USP9X: variants seen among roughly 807,000 people sequenced by gnomAD.
USP9X encodes ubiquitin carboxyl-terminal hydrolase 9X.
In USP9X, 7 loss-of-function variants were observed where a neutral mutation model predicts 190.3. The ratio of observed to expected loss-of-function variants is 0.04; its 90% CI spans 0.02 to 0.07. USP9X has a LOEUF of 0.07. USP9X is among the 10% of genes least tolerant of loss of function. USP9X has a pLI of 1.00. For missense variants in USP9X, 1,010 were observed against 1,916.9 expected, an observed-to-expected ratio of 0.53 and a Z score of 8.83; for synonymous variants, 645 against 659.5, an observed-to-expected ratio of 0.98 and a Z score of 0.34.
At chrX:41,182,974 T>C (rs1263536072) in intron 21 of USP9X, among the ~76,000 whole-genome samples, 1 of 108,229 alleles carries the variant, frequency 9.2e-6, no homozygotes, top group Non-Finnish European at 1.9e-5. Flanking sequence ...GTTTCGCTCT[T>C]GTTGCCCAGG....
At chrX:41,134,598 G>A (rs2062355240) in intron 4 of USP9X, 127 bp from the exon 5 acceptor site, 3 of 484,571 alleles carry the variant, frequency 6.2e-6, no homozygotes, top group Non-Finnish European at 1.0e-5. Flanking sequence ...CTACTTTTAT[G>A]CAATTAAATA....
rs189893461 is a variant in USP9X, at chrX:41,094,337, C to T, written c.-159+8228C>T. ...GATTACAGGTGGGTGCCACTATACC[C>T]GGCTAATTTTGTATTTTTAGTAGAG... On this transcript the variant is annotated intron_variant, in intron 1 of 44. Coordinates refer to ENST00000378308, the MANE Select transcript of USP9X (RefSeq NM_001039591.3). Among the ~76,000 whole-genome samples the T allele has an allele frequency of 6.4e-5, 7 of 109,217 alleles. No homozygotes were observed. In the East Asian group the frequency reaches 1.7e-3, roughly 27 times the overall value. 94.8% of individuals were successfully genotyped at this position (109,217 alleles called of 115,157 possible). A position where few individuals can be genotyped will look rare whatever the true frequency, so the allele number is the denominator to read the frequency against.
chrX:41,176,774 C>A lies in USP9X; in HGVS notation c.3148+4816C>A, dbSNP rs376499868. Among the ~76,000 whole-genome samples the A allele has an allele frequency of 8.9e-5, 10 of 112,261 alleles. No homozygotes were observed. The East Asian group carries it at 2.8e-3, about 31-fold the overall frequency. On this transcript the variant is annotated intron_variant, in intron 21 of 44. Coordinates refer to ENST00000378308, the MANE Select transcript of USP9X (RefSeq NM_001039591.3). Reference sequence around the variant, plus strand: ...AAGAAATCACACATGAACAAACTCACCTTCTGCATTATACTGACATCATTA... The same window carrying A: ...AAGAAATCACACATGAACAAACTCAACTTCTGCATTATACTGACATCATTA...
At chrX:41,169,973 C>CT (rs1322359076) in intron 18 of USP9X, 22 bp from the exon 19 acceptor site, 1 of 1,209,026 alleles carries the variant, frequency 8.3e-7, no homozygotes, top group African/African-American at 1.7e-5. Context: ...ATGATGATGT[C>CT]TGTCTTTCTT....
intron 1 of USP9X, among the ~76,000 whole-genome samples, chrX:41,086,969 T>G (rs1048358068): frequency 8.9e-6 from 1 of 111,741 alleles, no homozygotes; most frequent in African/African-American, 3.3e-5. Context: ...AGATGGCTTC[T>G]TAAATTATTT....
chrX:41,144,282 C>T (rs758839259), intron 10 of USP9X, among the ~76,000 whole-genome samples: 3 of 100,961 alleles, frequency 3.0e-5, no homozygotes, highest in South Asian at 4.8e-4. Flanking sequence ...TACAGTGGCT[C>T]GATACCGGCT....
intron 2 of USP9X, among the ~76,000 whole-genome samples, chrX:41,127,707 G>A (rs1213703702): frequency 8.9e-6 from 1 of 112,128 alleles, no homozygotes; most frequent in Non-Finnish European, 1.9e-5. Flanking sequence ...TTGACCATAT[G>A]AGTTCATGTA....
chrX:41,156,524 C>CTGAGAATAT (rs997353117), intron 14 of USP9X, among the ~76,000 whole-genome samples: 44 of 112,131 alleles, frequency 3.9e-4, no homozygotes, highest in African/African-American at 1.3e-3. Flanking sequence ...GCATGGCAGG[C>CTGAGAATAT]TGAGAATATT....
intron 14 of USP9X, among the ~76,000 whole-genome samples, chrX:41,161,495 A>G (rs2147102521): frequency 9.5e-6 from 1 of 105,746 alleles, no homozygotes; most frequent in East Asian, 2.9e-4. Flanking sequence ...GCCTGCCACC[A>G]TGCCTAATTT....
At chrX:41,156,536 G>A in intron 14 of USP9X, among the ~76,000 whole-genome samples, 1 of 112,010 alleles carries the variant, frequency 8.9e-6, no homozygotes, top group Non-Finnish European at 1.9e-5. Context: ...GAGAATATTG[G>A]GCTCTGATTA....
At chrX:41,192,735 A>G (rs936020455) in intron 26 of USP9X, among the ~76,000 whole-genome samples, 9 of 111,734 alleles carry the variant, frequency 8.1e-5, no homozygotes, top group Non-Finnish European at 1.7e-4. Flanking sequence ...ATTGTCTACA[A>G]GACACTACCC....
chrX:41,184,138 T>G lies in USP9X; in HGVS notation c.3279+10T>G, dbSNP rs2062852163. 16 of 1,183,564 alleles carry G rather than the reference T, an allele frequency of 1.4e-5. No individual in the cohort carries two copies. The highest frequency in any genetic ancestry group is 1.8e-5 in the Non-Finnish European group (16 of 884,688). ...GCTATATCTAACAGAGGTTAGTTTT[T>G]GGGGTTTTTTGTTGTTGTTGTTTTC... On this transcript the variant is annotated intron_variant, in intron 22 of 44. Coordinates refer to ENST00000378308, the MANE Select transcript of USP9X (RefSeq NM_001039591.3).
At chrX:41,105,216 T>G (rs185435299) in intron 1 of USP9X, among the ~76,000 whole-genome samples, 17 of 111,367 alleles carry the variant, frequency 1.5e-4, no homozygotes, top group Admixed American at 1.1e-3. Flanking sequence ...CCAAGAAGAA[T>G]AATGTGGGGC....
chrX:41,125,454 GT>G (rs1194747237), intron 2 of USP9X, among the ~76,000 whole-genome samples: 3 of 107,630 alleles, frequency 2.8e-5, no homozygotes, highest in Non-Finnish European at 5.8e-5. Context: ...CAAGGAATTG[GT>G]TTATTTCATC....
intron 33 of USP9X, among the ~76,000 whole-genome samples, chrX:41,211,262 A>G (rs948653928): frequency 7.1e-5 from 8 of 112,459 alleles, no homozygotes; most frequent in Admixed American, 9.4e-5. Context: ...AAGTGTTGAG[A>G]TGACAGGCGT....
chrX:41,125,718 T>TCTCTCTCTCTCG lies in USP9X; in HGVS notation c.96+1995_96+1996insTCTCTCTCTCGC, dbSNP rs1176200100. On this transcript the variant is annotated intron_variant, in intron 2 of 44. Coordinates refer to ENST00000378308, the MANE Select transcript of USP9X (RefSeq NM_001039591.3). ...CTCTCTCTCTCTCTCTCTCTCTCTC[T>TCTCTCTCTCTCG]CGCGCACGCGCGCGCGCTCTCTCTC... 1.0e-3 allele frequency among the ~76,000 whole-genome samples: 104 copies of TCTCTCTCTCTCG among 99,150 alleles called. 3 individuals are homozygous for TCTCTCTCTCTCG. Among genetic ancestry groups the TCTCTCTCTCTCG allele is most frequent in the African/African-American group, 4.1e-3 (100 of 24,497 alleles). The allele number at this position is 99,150 out of a possible 115,157, so 86.1% of individuals were successfully genotyped here.
chrX:41,133,637 C>G (rs1395511008), intron 4 of USP9X, among the ~76,000 whole-genome samples: 1 of 111,987 alleles, frequency 8.9e-6, no homozygotes, highest in African/African-American at 3.2e-5. Context: ...TCTTTACGTC[C>G]GTGAGTTCAA....
chrX:41,125,901 T>C (rs1401573222), intron 2 of USP9X, among the ~76,000 whole-genome samples: 3 of 111,232 alleles, frequency 2.7e-5, no homozygotes, highest in Admixed American at 9.6e-5. Flanking sequence ...AAACTTACGA[T>C]GTACAGCTCA....
chrX:41,142,147 A>AG (rs1184452949), intron 9 of USP9X, among the ~76,000 whole-genome samples: 2 of 110,884 alleles, frequency 1.8e-5, no homozygotes, highest in African/African-American at 6.6e-5. Flanking sequence ...GCCCTGTGTT[A>AG]GGGGGTCAGG....
Sources: gnomAD v4.1 joint callset for allele counts (sites outside exome capture counted in the v4.1 genomes callset) on GRCh38, gnomAD v4.1.1 for gene constraint, MANE v1.5 for transcripts, NCBI Gene and HGNC (gene_info 2026-07-23, HGNC 2026-07-21) for gene names.